Variants in PREP observed in about 807,000 individuals in gnomAD.
The protein encoded by PREP is dJ355L5.1 (prolyl endopeptidase).
Under a neutral mutation model 87.6 loss-of-function variants are expected in PREP, and 29 were observed. The observed-to-expected ratio is 0.33, with a 90% confidence interval of 0.25 to 0.45. PREP has a LOEUF of 0.45. PREP is among the 20% of genes least tolerant of loss of function. The pLI is 1.00. For missense variants in PREP, 695 were observed against 886.5 expected (o/e 0.78, Z 2.74); for synonymous variants, 337 against 328.6 (o/e 1.03, Z -0.28).
In PREP at chr6:105,369,014, T is replaced by A. The variant is rs780813335; in HGVS notation, c.606A>T (p.Thr202=). 9.3e-6 allele frequency: 15 copies of A among 1,614,034 alleles called. No homozygotes were observed. In the South Asian group the frequency reaches 1.3e-4, roughly 14 times the overall value. ...AGAGCTTTTGGTGGAGATTGGTAGATGTCTCTGTGCCTGAAGGAGTTAAAA... is the reference window on the plus strand; with the variant it reads ...AGAGCTTTTGGTGGAGATTGGTAGAAGTCTCTGTGCCTGAAGGAGTTAAAA... The part of the protein sequence containing the change: ...QQDGKSDGTE[T]STNLHQKLYY... Residue 202 remains threonine, a synonymous_variant, in exon 6 of 15, where the codon ACA becomes ACT. Transcript: ENST00000652536.
intron 10 of PREP, chr6:105,322,675 C>G (rs1771043446): frequency 1.0e-5 from 10 of 995,608 alleles, no homozygotes; most frequent in Non-Finnish European, 1.2e-5. Context: ...AACAAATGGG[C>G]ATGTGTTCTC....
chr6:105,344,914 T>A (rs534972409), intron 7 of PREP, among the ~76,000 whole-genome samples: 1 of 152,224 alleles, frequency 6.6e-6, no homozygotes, highest in Admixed American at 6.5e-5. Flanking sequence ...CACCAAATTC[T>A]GAAGCATTAA....
At position 105,343,959 on chromosome 6, in the gene PREP, G is replaced by A. The variant is rs182409085; in HGVS notation, c.823+9013C>T. On this transcript the variant is annotated intron_variant, in intron 7 of 14. Transcript: ENST00000652536. ...TAGTTCAACCATTGTGGAAGACAGT[G>A]TGGCGATTCCTCAAGGATCTGGAAC... 8.8e-3 allele frequency among the ~76,000 whole-genome samples: 1,341 copies of A among 152,324 alleles called. 23 individuals carry two copies. Among genetic ancestry groups the A allele is most frequent in the African/African-American group, 0.03 (1,265 of 41,576 alleles).
intron 10 of PREP, among the ~76,000 whole-genome samples, chr6:105,307,888 C>A (rs2114631992): frequency 6.6e-6 from 1 of 152,284 alleles, no homozygotes; most frequent in East Asian, 1.9e-4. Flanking sequence ...GATGAGATTA[C>A]AGGTGTGAGC....
chr6:105,297,777 GTA>G (rs1322264085), intron 10 of PREP, among the ~76,000 whole-genome samples: 19 of 152,258 alleles, frequency 1.2e-4, no homozygotes, highest in African/African-American at 4.1e-4. Context: ...CAACAGCAGA[GTA>G]AATGAGTTGT....
intron 6 of PREP, among the ~76,000 whole-genome samples, chr6:105,363,598 G>C (rs1462631603): frequency 2.0e-5 from 3 of 152,196 alleles, no homozygotes; most frequent in Admixed American, 2.0e-4. Flanking sequence ...AGGAGGGACT[G>C]AATGTGGGAG....
At chr6:105,288,026 T>G (rs1362255397) in intron 11 of PREP, among the ~76,000 whole-genome samples, 3 of 152,230 alleles carry the variant, frequency 2.0e-5, no homozygotes, top group Admixed American at 2.0e-4. Flanking sequence ...GGCTGAACGT[T>G]AAGACAGTCT....
intron 9 of PREP, among the ~76,000 whole-genome samples, chr6:105,328,284 A>G (rs551756727): frequency 6.6e-6 from 1 of 150,800 alleles, no homozygotes; most frequent in East Asian, 1.9e-4. Context: ...TTTGAGATGG[A>G]GTCTCACTCT....
chr6:105,310,499 C>T (rs1344559215), intron 10 of PREP, among the ~76,000 whole-genome samples: 2 of 152,192 alleles, frequency 1.3e-5, no homozygotes, highest in Admixed American at 6.5e-5. Context: ...CCTCTTCCTT[C>T]CTCATTTGCC....
rs1265908120 is a variant in PREP, at chr6:105,328,815, G to GA, written c.1213+13dup. ...GATTTTTAAAGTGAACAGCAACAGT[G>GA]AAAAAACACTTACCTGGAGATAAAA... On this transcript the variant is annotated intron_variant, in intron 9 of 14. Coordinates refer to ENST00000652536, the MANE Select transcript of PREP (RefSeq NM_002726.5). The GA allele has an allele frequency of 5.0e-6, 8 of 1,612,842 alleles. No homozygotes were observed. The highest frequency in any genetic ancestry group is 5.9e-6 in the Non-Finnish European group (7 of 1,179,062).
Position 105,275,520 on chromosome 6 carries a change from CAA to C in PREP, c.*2622_*2623del, listed in dbSNP as rs2114604929. Among the ~76,000 whole-genome samples, 1 of 152,198 alleles carries C rather than the reference CAA, an allele frequency of 6.6e-6. No homozygotes were observed. The highest frequency in any genetic ancestry group is 2.1e-4 in the South Asian group (1 of 4,816). On this transcript the variant is annotated 3_prime_UTR_variant, in exon 15 of 15. Coordinates refer to ENST00000652536, the MANE Select transcript of PREP (RefSeq NM_002726.5). ...GCAACATGTACAACTTTTTCTTTTT[CAA>C]AACAGTCCTAAAAAAACTAAACATA...
In PREP at chr6:105,275,582, G is replaced by A. The variant is rs985374991; in HGVS notation, c.*2562C>T. Among the ~76,000 whole-genome samples the A allele has an allele frequency of 6.6e-6, 1 of 152,112 alleles. No individual in the cohort carries two copies. The highest frequency in any genetic ancestry group is 1.5e-5 in the Non-Finnish European group (1 of 68,032). On this transcript the variant is annotated 3_prime_UTR_variant, in exon 15 of 15. Transcript: ENST00000652536. ...TGTGATCGAGCAATTCCACTACTGG[G>A]TATGAATCCAAAAGAAAGGAAATCA...
chr6:105,396,270 T>C (rs185231657), intron 2 of PREP, among the ~76,000 whole-genome samples: 1 of 152,318 alleles, frequency 6.6e-6, no homozygotes, highest in Non-Finnish European at 1.5e-5. Context: ...AATCTCAAAA[T>C]AGCAGTGTGC....
At chr6:105,322,915 A>C in intron 10 of PREP, 1 of 1,211,636 alleles carries the variant, frequency 8.3e-7, no homozygotes, top group Non-Finnish European at 1.1e-6. Context: ...AGCGCTCTTT[A>C]TTCTCATCTT....
intron 7 of PREP, among the ~76,000 whole-genome samples, chr6:105,352,206 G>C (rs955098586): frequency 2.0e-5 from 3 of 152,118 alleles, no homozygotes; most frequent in African/African-American, 7.2e-5. Context: ...TCCTTATCGG[G>C]GTGCCAGTAT....
At chr6:105,363,434 T>C (rs991431832) in intron 6 of PREP, among the ~76,000 whole-genome samples, 2 of 152,156 alleles carry the variant, frequency 1.3e-5, no homozygotes, top group African/African-American at 4.8e-5. Context: ...ACAATTTCTC[T>C]CCTGCCATGA....
chr6:105,377,266 A>G, intron 3 of PREP, 120 bp downstream of exon 3: 2 of 1,188,300 alleles, frequency 1.7e-6, no homozygotes, highest in Non-Finnish European at 2.4e-6. Context: ...AGGCATAGAA[A>G]TTAATTCCTT....
intron 6 of PREP, among the ~76,000 whole-genome samples, chr6:105,365,516 T>C (rs1258626157): frequency 6.6e-6 from 1 of 152,162 alleles, no homozygotes; most frequent in Admixed American, 6.5e-5. Flanking sequence ...GACCTGAGGC[T>C]TCTGAGGCGT....
chr6:105,391,060 C>CACACA (rs1554212310), intron 2 of PREP, among the ~76,000 whole-genome samples: 5 of 140,186 alleles, frequency 3.6e-5, no homozygotes, highest in Admixed American at 7.1e-5. Flanking sequence ...CACACACACA[C>CACACA]TTTTTTTTTT....
Sources: allele counts gnomAD v4.1 joint callset (sites outside exome capture counted in the v4.1 genomes callset), GRCh38; gene constraint gnomAD v4.1.1; transcripts MANE v1.5; gene names NCBI Gene and HGNC (gene_info 2026-07-23, HGNC 2026-07-21).